The following LPP variants were observed in gnomAD, a reference collection of about 807,000 sequenced individuals.
LPP encodes lipoma-preferred partner.
LPP carries 38 observed loss-of-function variants against 60.4 expected under a neutral mutation model. That is an observed-to-expected ratio of 0.63 (90% confidence interval 0.49 to 0.83). The LOEUF (loss-of-function observed/expected upper bound fraction) is 0.83, where lower values mean the gene tolerates loss of function less well. LPP is among the 40% of genes least tolerant of loss of function. The pLI, the probability that LPP is intolerant of heterozygous loss-of-function variation, is 0.00. For missense variants in LPP, 902 were observed against 783.6 expected (o/e 1.15, Z -1.80); for synonymous variants, 328 against 290.8 (o/e 1.13, Z -1.30).
At position 188,333,422 on chromosome 3, in the gene LPP, A is replaced by G. The variant is rs954836546; in HGVS notation, c.-66-8241A>G. On this transcript the variant is annotated intron_variant, in intron 2 of 11. Transcript: ENST00000617246. ...GCTTTGTCACTTGTCAAACGAGAAT[A>G]TACTAGGAACAGTATCAGTTTTGCC... Among the ~76,000 whole-genome samples, 41 of 152,248 alleles carry G rather than the reference A, an allele frequency of 2.7e-4. 2 individuals are homozygous for G. The highest frequency in any genetic ancestry group is 1.5e-5 in the Non-Finnish European group (1 of 68,044).
intron 3 of LPP, among the ~76,000 whole-genome samples, chr3:188,359,270 C>G (rs1768531556): frequency 6.6e-6 from 1 of 152,176 alleles, no homozygotes; most frequent in South Asian, 2.1e-4. Context: ...AGTTAGAAAG[C>G]AAGCTGCATC....
chr3:188,563,657 G>C (rs1831335407), intron 6 of LPP, among the ~76,000 whole-genome samples: 1 of 150,962 alleles, frequency 6.6e-6, no homozygotes, highest in Non-Finnish European at 1.5e-5. Flanking sequence ...ACAATGTTAA[G>C]ATGAGCTTCC....
At chr3:188,370,594 G>A (rs1198608546) in intron 3 of LPP, among the ~76,000 whole-genome samples, 1 of 152,166 alleles carries the variant, frequency 6.6e-6, no homozygotes, top group Non-Finnish European at 1.5e-5. Context: ...ATATGATGCA[G>A]GCTAGTGTCT....
At chr3:188,309,884 T>G (rs941390534) in intron 2 of LPP, among the ~76,000 whole-genome samples, 1 of 152,092 alleles carries the variant, frequency 6.6e-6, no homozygotes, top group African/African-American at 2.4e-5. Flanking sequence ...AACATGGAGT[T>G]CTGATCTGAG....
At chr3:188,160,408 G>A (rs1182387617) in intron 1 of LPP, among the ~76,000 whole-genome samples, 1 of 151,830 alleles carries the variant, frequency 6.6e-6, no homozygotes, top group Admixed American at 6.6e-5. Flanking sequence ...TGGCCAGGCT[G>A]GTCTTGAACT....
chr3:188,442,082 G>A (rs1377567088), intron 4 of LPP, among the ~76,000 whole-genome samples: 1 of 152,012 alleles, frequency 6.6e-6, no homozygotes, highest in Admixed American at 6.6e-5. Context: ...TTGAATGAAT[G>A]AATGAAAAAA....
At chr3:188,358,720 G>A (rs184930497) in intron 3 of LPP, among the ~76,000 whole-genome samples, 18 of 152,290 alleles carry the variant, frequency 1.2e-4, no homozygotes, top group Admixed American at 1.2e-3. Flanking sequence ...GTGGAAGGAG[G>A]TGGAAGCCCT....
chr3:188,704,752 C>A (rs570116066), intron 7 of LPP, among the ~76,000 whole-genome samples: 18 of 136,980 alleles, frequency 1.3e-4, no homozygotes, highest in Admixed American at 9.1e-4. Context: ...ACTGCAGATA[C>A]CTGTTTTGTT....
chr3:188,421,329 GA>G (rs371568085), intron 4 of LPP, among the ~76,000 whole-genome samples: 151 of 152,140 alleles, frequency 9.9e-4, no homozygotes, highest in African/African-American at 3.6e-3. Flanking sequence ...TGGGTAGAAA[GA>G]AAAAAGATCC....
intron 7 of LPP, among the ~76,000 whole-genome samples, chr3:188,692,652 T>C (rs1036740751): frequency 2.0e-5 from 3 of 152,248 alleles, no homozygotes; most frequent in African/African-American, 7.2e-5. Flanking sequence ...TTTTCTACTA[T>C]ATCTTCTAGA....
chr3:188,349,448 A>G (rs16863198), intron 3 of LPP, among the ~76,000 whole-genome samples: 8,875 of 152,200 alleles, frequency 0.058, 678 homozygotes, highest in African/African-American at 0.18. Flanking sequence ...GGGGCCATCA[A>G]AACGTGTGCT....
At chr3:188,225,982 C>G (rs184364923) in intron 2 of LPP, among the ~76,000 whole-genome samples, 3 of 152,246 alleles carry the variant, frequency 2.0e-5, no homozygotes, top group African/African-American at 7.2e-5. Context: ...GTGCAAAGTG[C>G]TGCTTCTTTT....
At chr3:188,153,681 A>T (rs1383811003), upstream of LPP, 2 of 152,270 alleles carry the variant, frequency 1.3e-5, no homozygotes, top group Non-Finnish European at 2.9e-5. Context: ...CCTTTTGGCA[A>T]AGCCACTGCC....
chr3:188,871,320 T>G (rs1768033157), intron 10 of LPP, among the ~76,000 whole-genome samples: 1 of 152,190 alleles, frequency 6.6e-6, no homozygotes, highest in Non-Finnish European at 1.5e-5. Flanking sequence ...TTTTTGCCAC[T>G]GAATATAAAC....
At chr3:188,600,218 T>C (rs1391623906) in intron 6 of LPP, among the ~76,000 whole-genome samples, 1 of 148,238 alleles carries the variant, frequency 6.7e-6, no homozygotes, top group Non-Finnish European at 1.5e-5. Flanking sequence ...TTATGTTAAA[T>C]ATATATTTAT....
rs1276091294 is a variant in LPP at position 188,512,721 on chromosome 3, G to C, written c.307-11944G>C. On this transcript the variant is annotated intron_variant, in intron 5 of 11. Transcript: ENST00000617246. ...GTTTCCAATTTTGGTAACATTTAAGGGGTCAAACAAGAGTTCAAGAAAAAA... is the reference window on the plus strand; with the variant it reads ...GTTTCCAATTTTGGTAACATTTAAGCGGTCAAACAAGAGTTCAAGAAAAAA... Among the ~76,000 whole-genome samples, 4 of 152,088 alleles carry C rather than the reference G, an allele frequency of 2.6e-5. No homozygotes were observed. In the East Asian group the frequency reaches 7.7e-4, roughly 29 times the overall value.
chr3:188,882,263 G>A lies in LPP; in HGVS notation c.*7784G>A, dbSNP rs1185153201. On this transcript the variant is annotated 3_prime_UTR_variant, in exon 12 of 12. Coordinates refer to ENST00000617246, the MANE Select transcript of LPP (RefSeq NM_001375462.1). ...ACTTGATTTAGAAGTTGAGAAAAGA[G>A]TATTTAAGGCACAACAGGGAAACAT... is the stretch of plus-strand genomic sequence containing the variant. 4.5e-6 allele frequency: 1 copy of A among 221,738 alleles called. No homozygotes were observed. The highest frequency in any genetic ancestry group is 9.0e-6 in the Non-Finnish European group (1 of 111,044). 13.7% of individuals were successfully genotyped at this position (221,738 alleles called of 1,614,324 possible). A position where few individuals can be genotyped will look rare whatever the true frequency, so the allele number is the denominator to read the frequency against.
intron 5 of LPP, among the ~76,000 whole-genome samples, chr3:188,500,732 T>G (rs1267128897): frequency 6.6e-6 from 1 of 152,204 alleles, no homozygotes; most frequent in East Asian, 1.9e-4. Context: ...CTTCTTAGTA[T>G]TCATAGCATA....
intron 1 of LPP, among the ~76,000 whole-genome samples, chr3:188,170,329 C>CTT (rs34760455): frequency 3.1e-5 from 3 of 96,432 alleles, no homozygotes; most frequent in African/African-American, 8.3e-5. Flanking sequence ...CTTTTCTTTT[C>CTT]TTTTTTTTTT....
Sources: allele counts gnomAD v4.1 joint callset (sites outside exome capture counted in the v4.1 genomes callset), GRCh38; gene constraint gnomAD v4.1.1; transcripts MANE v1.5; gene names NCBI Gene and HGNC (gene_info 2026-07-23, HGNC 2026-07-21).